Variants in CPNE4 observed in about 807,000 individuals in gnomAD.
The protein encoded by CPNE4 is copine 4, also known as copine-4.
A neutral mutation model predicts 67.9 loss-of-function variants in CPNE4; 25 were observed. The observed-to-expected ratio is 0.37, with a 90% CI of 0.27 to 0.51. CPNE4 has a LOEUF of 0.51. Ranked by LOEUF, CPNE4 falls within the 20% of genes least tolerant of loss-of-function variation. CPNE4 has a pLI of 0.93. For synonymous variants in CPNE4, 242 were observed against 244.9 expected, an observed-to-expected ratio of 0.99 and a Z score of 0.11; for missense variants, 464 against 690.8, an observed-to-expected ratio of 0.67 and a Z score of 3.68.
intron 5 of CPNE4, among the ~76,000 whole-genome samples, chr3:131,689,294 G>A (rs2080971393): frequency 6.6e-6 from 1 of 152,028 alleles, no homozygotes. Context: ...CCATTGCCTG[G>A]TACACGGTGA....
At position 131,547,455 on chromosome 3, in the gene CPNE4, CAAAAAAAAAAAAAAAAAAAAAAAAAAAA is replaced by C. The variant is rs56412825; in HGVS notation, c.1302+2464_1302+2491del. 1.3e-3 allele frequency among the ~76,000 whole-genome samples: 48 copies of C among 36,544 alleles called. 1 individual carries two copies. The East Asian group carries it at 0.02, about 15-fold the overall frequency. The allele number at this position is 36,544 out of a possible 152,430, so 24.0% of individuals were successfully genotyped here. A position where few individuals can be genotyped will look rare whatever the true frequency, so the allele number is the denominator to read the frequency against. On this transcript the variant is annotated intron_variant, in intron 14 of 15. Coordinates refer to ENST00000429747, the MANE Select transcript of CPNE4 (RefSeq NM_130808.3). ...TGGGTGATAGACCAAGACCCTGTCG[CAAAAAAAAAAAAAAAAAAAAAAAAAAAA>C]AAAAAAAAAAAAAAAAAACCTAATA... is the stretch of plus-strand genomic sequence containing the variant.
chr3:131,683,102 C>T (rs971573114), intron 6 of CPNE4, among the ~76,000 whole-genome samples: 9 of 152,252 alleles, frequency 5.9e-5, no homozygotes, highest in African/African-American at 2.2e-4. Flanking sequence ...TAATCGGGGA[C>T]CCCAAGAGCC....
chr3:131,992,723 T>C (rs960320725), intron 1 of CPNE4, among the ~76,000 whole-genome samples: 2 of 135,824 alleles, frequency 1.5e-5, no homozygotes, highest in African/African-American at 4.9e-5. Context: ...TCATCTTAAA[T>C]TGTAGTTCCC....
chr3:131,554,632 C>A (rs1025556037), intron 12 of CPNE4, among the ~76,000 whole-genome samples: 5 of 152,038 alleles, frequency 3.3e-5, no homozygotes, highest in Non-Finnish European at 7.4e-5. Context: ...AAAAAGGATA[C>A]CTAAGGGGAA....
intron 2 of CPNE4, among the ~76,000 whole-genome samples, chr3:131,749,629 C>T (rs2082574913): frequency 6.6e-6 from 1 of 151,994 alleles, no homozygotes; most frequent in Admixed American, 6.6e-5. Context: ...TAATTTGAAA[C>T]TGTTGTTTCA....
intron 1 of CPNE4, among the ~76,000 whole-genome samples, chr3:132,033,522 C>G (rs1475954460): frequency 6.6e-6 from 1 of 152,142 alleles, no homozygotes; most frequent in Non-Finnish European, 1.5e-5. Flanking sequence ...TCACCTTTCC[C>G]CCCTCCACTT....
chr3:131,656,691 T>G (rs1262341916), intron 7 of CPNE4, among the ~76,000 whole-genome samples: 2 of 152,222 alleles, frequency 1.3e-5, no homozygotes, highest in African/African-American at 4.8e-5. Context: ...GGCACTTATA[T>G]TTCAGTAGAG....
chr3:131,670,477 C>T (rs925372693), intron 6 of CPNE4, among the ~76,000 whole-genome samples: 1 of 152,150 alleles, frequency 6.6e-6, no homozygotes, highest in Non-Finnish European at 1.5e-5. Flanking sequence ...TCTTATCTTG[C>T]CATAACTATG....
At chr3:131,947,491 GTT>G (rs1232083394) in intron 1 of CPNE4, among the ~76,000 whole-genome samples, 1 of 152,032 alleles carries the variant, frequency 6.6e-6, no homozygotes, top group Non-Finnish European at 1.5e-5. Context: ...GCAGTGTTTG[GTT>G]TTCTGTTTCT....
chr3:131,578,027 G>A (rs1355816839), intron 9 of CPNE4, among the ~76,000 whole-genome samples: 2 of 151,958 alleles, frequency 1.3e-5, no homozygotes, highest in African/African-American at 2.4e-5. Context: ...GGGACCATCT[G>A]GGTGTGTGTA....
At chr3:131,652,102 T>C (rs1217629825) in intron 7 of CPNE4, among the ~76,000 whole-genome samples, 2 of 152,266 alleles carry the variant, frequency 1.3e-5, no homozygotes, top group Non-Finnish European at 2.9e-5. Flanking sequence ...ATTGCCGATA[T>C]GCTTTCCAAA....
In CPNE4 at chr3:131,614,769, T is replaced by G. The variant is rs145563196; in HGVS notation, c.682-27187A>C. 1.4e-4 allele frequency among the ~76,000 whole-genome samples: 22 copies of G among 152,320 alleles called. No individual in the cohort carries two copies. The East Asian group carries it at 3.9e-3, about 27-fold the overall frequency. ...ATGGCATTCATCCTTAGGTAGGGCT[T>G]CCTCCCAGATTTGACCCTCACTCAG... On this transcript the variant is annotated intron_variant, in intron 7 of 15. Coordinates refer to ENST00000429747, the MANE Select transcript of CPNE4 (RefSeq NM_130808.3).
At chr3:131,769,782 T>A (rs2107831164) in intron 2 of CPNE4, among the ~76,000 whole-genome samples, 1 of 152,256 alleles carries the variant, frequency 6.6e-6, no homozygotes, top group African/African-American at 2.4e-5. Context: ...TTATTTTGGG[T>A]TGAACTATGA....
intron 2 of CPNE4, among the ~76,000 whole-genome samples, chr3:131,893,324 A>C (rs2088190410): frequency 6.6e-6 from 1 of 152,084 alleles, no homozygotes; most frequent in Non-Finnish European, 1.5e-5. Context: ...AGATATATAA[A>C]GTAAATATTA....
chr3:131,845,570 C>A (rs1025772006), intron 2 of CPNE4, among the ~76,000 whole-genome samples: 2 of 152,136 alleles, frequency 1.3e-5, no homozygotes, highest in Non-Finnish European at 2.9e-5. Flanking sequence ...ACATGCCATA[C>A]CTTTGAGAAC....
At chr3:131,890,143 A>C (rs2088050558) in intron 2 of CPNE4, among the ~76,000 whole-genome samples, 1 of 152,170 alleles carries the variant, frequency 6.6e-6, no homozygotes, top group Admixed American at 6.6e-5. Context: ...AATAGACTGA[A>C]AAGGGAATCT....
At chr3:132,008,190 G>T (rs572454677) in intron 1 of CPNE4, among the ~76,000 whole-genome samples, 1 of 151,990 alleles carries the variant, frequency 6.6e-6, no homozygotes, top group South Asian at 2.1e-4. Flanking sequence ...TTGAATGAAG[G>T]TATACAAAAT....
At chr3:131,654,561 C>T (rs56319657) in intron 7 of CPNE4, among the ~76,000 whole-genome samples, 20,682 of 152,082 alleles carry the variant, frequency 0.14, 1,834 homozygotes, top group African/African-American at 0.25. Context: ...TTAATCACAA[C>T]CCAAACATCT....
chr3:131,683,196 C>G (rs995309929), intron 6 of CPNE4, among the ~76,000 whole-genome samples: 3 of 152,152 alleles, frequency 2.0e-5, no homozygotes, highest in Non-Finnish European at 4.4e-5. Context: ...GTCCTTTGCT[C>G]AAGCAGAATA....
Sources: allele counts gnomAD v4.1 joint callset (sites outside exome capture counted in the v4.1 genomes callset), GRCh38; gene constraint gnomAD v4.1.1; transcripts MANE v1.5; gene names NCBI Gene and HGNC (gene_info 2026-07-23, HGNC 2026-07-21).